Variants in MICU3 observed in about 807,000 individuals in gnomAD.
MICU3 encodes the protein calcium uptake protein 3, mitochondrial.
In MICU3, 62 loss-of-function variants were observed where a neutral mutation model predicts 66.5. The observed-to-expected ratio is 0.93, with a 90% CI of 0.76 to 1.15. MICU3 has a LOEUF of 1.15. Among genes scored for constraint, MICU3 ranks in the 50% most tolerant of loss-of-function variants. The pLI, the probability that MICU3 is intolerant of heterozygous loss-of-function variation, is 0.00. For missense variants in MICU3, 779 were observed against 664.4 expected, an observed-to-expected ratio of 1.17 and a Z score of -1.90; for synonymous variants, 308 against 240.7, an observed-to-expected ratio of 1.28 and a Z score of -2.59.
chr8:17,102,485 TC>T (rs1435245720), intron 9 of MICU3: 1 of 144,738 alleles, frequency 6.9e-6, no homozygotes, highest in Non-Finnish European at 1.5e-5. Flanking sequence ...TTAGGATTAT[TC>T]CCATTTTATA....
At chr8:17,041,737 G>A (rs1814139364) in intron 1 of MICU3, among the ~76,000 whole-genome samples, 1 of 152,174 alleles carries the variant, frequency 6.6e-6, no homozygotes, top group South Asian at 2.1e-4. Flanking sequence ...CAAGGAAAGA[G>A]TTTAATCTTA....
At chr8:17,090,048 C>T (rs776779702) in intron 7 of MICU3, among the ~76,000 whole-genome samples, 1 of 152,000 alleles carries the variant, frequency 6.6e-6, no homozygotes, top group African/African-American at 2.4e-5. Flanking sequence ...TCCTCATGAC[C>T]GTTCTACCAG....
At chr8:17,074,868 T>G (rs1820144362) in intron 3 of MICU3, among the ~76,000 whole-genome samples, 1 of 152,082 alleles carries the variant, frequency 6.6e-6, no homozygotes, top group Non-Finnish European at 1.5e-5. Flanking sequence ...CTACCTACAA[T>G]TTAATTCTGA....
At chr8:17,137,925 C>A in the MICU3 span, among the ~76,000 whole-genome samples, 1 of 151,300 alleles carries the variant, frequency 6.6e-6, no homozygotes, top group African/African-American at 2.4e-5. Context: ...CCATATTGGC[C>A]GGGATGGTCT....
intron 11 of MICU3, among the ~76,000 whole-genome samples, chr8:17,106,367 A>G (rs998741731): frequency 1.3e-5 from 2 of 151,848 alleles, no homozygotes; most frequent in African/African-American, 2.4e-5. Context: ...AAAAGACTTC[A>G]TGCATTTGGC....
intron 11 of MICU3, among the ~76,000 whole-genome samples, chr8:17,111,464 G>C (rs373433559): frequency 2.0e-5 from 3 of 152,246 alleles, no homozygotes; most frequent in East Asian, 3.9e-4. Flanking sequence ...TAGGAGTACA[G>C]TCCCATGCTA....
the MICU3 span, among the ~76,000 whole-genome samples, chr8:17,137,204 G>T: frequency 6.6e-6 from 1 of 151,972 alleles, no homozygotes; most frequent in Non-Finnish European, 1.5e-5. Context: ...GGTTGCCTAT[G>T]TACCCCTATC....
At chr8:17,060,251 C>T (rs992041099) in intron 1 of MICU3, among the ~76,000 whole-genome samples, 1 of 151,766 alleles carries the variant, frequency 6.6e-6, no homozygotes, top group African/African-American at 2.4e-5. Context: ...GTAGACTATT[C>T]TGGGATCAGA....
At chr8:17,045,823 A>G (rs1237776043) in intron 1 of MICU3, among the ~76,000 whole-genome samples, 2 of 152,232 alleles carry the variant, frequency 1.3e-5, no homozygotes, top group African/African-American at 4.8e-5. Context: ...GAGGGCATGT[A>G]CAGGGGAACT....
intron 1 of MICU3, among the ~76,000 whole-genome samples, chr8:17,050,662 ATT>A (rs1815921030): frequency 6.6e-6 from 1 of 152,002 alleles, no homozygotes; most frequent in African/African-American, 2.4e-5. Context: ...CAGTTTTTCC[ATT>A]ATGTAATTTT....
intron 9 of MICU3, among the ~76,000 whole-genome samples, chr8:17,101,618 A>G (rs180813886): frequency 6.6e-6 from 1 of 151,972 alleles, no homozygotes; most frequent in Admixed American, 6.6e-5. Flanking sequence ...GTATAAGACA[A>G]AGCCATCTTA....
intron 1 of MICU3, 33 bp downstream of exon 1, chr8:17,027,693 G>A: frequency 2.4e-6 from 3 of 1,267,292 alleles, no homozygotes; most frequent in Non-Finnish European, 3.0e-6. Flanking sequence ...CACCTGCGCG[G>A]GGGATGTGAC....
At chr8:17,058,510 A>G (rs1022387497) in intron 1 of MICU3, among the ~76,000 whole-genome samples, 6 of 152,126 alleles carry the variant, frequency 3.9e-5, no homozygotes, top group Non-Finnish European at 5.9e-5. Flanking sequence ...GTTTAATGTC[A>G]TGTTCCGCCT....
chr8:17,034,771 G>C (rs913283584), intron 1 of MICU3, among the ~76,000 whole-genome samples: 3 of 152,230 alleles, frequency 2.0e-5, no homozygotes, highest in African/African-American at 7.2e-5. Context: ...TAACAGACGA[G>C]GACTTGCCTC....
intron 13 of MICU3, among the ~76,000 whole-genome samples, chr8:17,117,830 A>T (rs1802829635): frequency 6.6e-6 from 1 of 152,146 alleles, no homozygotes. Flanking sequence ...AGATGGTCTC[A>T]AGCTCCTGAC....
rs377123072 is a variant in MICU3, at chr8:17,118,714, A to T, written c.1532A>T (p.Lys511Ile). The T allele has an allele frequency of 5.6e-6, 9 of 1,609,420 alleles. No homozygotes were observed. The highest frequency in any genetic ancestry group is 7.7e-6 in the Non-Finnish European group (9 of 1,176,310). Residue 511 changes from lysine to isoleucine, a missense_variant, in exon 14 of 15, where the codon AAA becomes ATA. Lys to Ile is a moderately radical substitution (Grantham distance 102, BLOSUM62 -3). Transcript: ENST00000318063. ...DRLHRGFRGY[K>I]TVQKYPTFKS... ...TGCTCTTCTGTTTTACAGGGTTATA[A>T]AACAGTCCAGAAGTACCCCACTTTC... is the stretch of plus-strand genomic sequence containing the variant.
intron 13 of MICU3, 105 bp downstream of exon 13, chr8:17,116,705 A>T: frequency 1.2e-6 from 1 of 831,116 alleles, no homozygotes; most frequent in South Asian, 2.1e-5. Context: ...AAGGATATAA[A>T]CATGAATGCT....
At chr8:17,069,606 A>T (rs1819239643) in intron 2 of MICU3, 82 bp from the exon 3 acceptor site, 1 of 839,274 alleles carries the variant, frequency 1.2e-6, no homozygotes, top group Non-Finnish European at 1.8e-6. Flanking sequence ...GTTATGAGTT[A>T]TGGTTGTAGA....
Position 17,027,361 on chromosome 8 carries a change from T to G in MICU3, c.82T>G (p.Trp28Gly). ...CGCTCACCAGCCCCTCCTTGGGCCG[T>G]GGGGGCGGCCTGCGGTGACCACCCT... ...LCAHQPLLGPWGRPAVTTLGL... is the reference protein window; with the variant it reads ...LCAHQPLLGPGGRPAVTTLGL... The change falls in exon 1 of 15, where the codon TGG becomes GGG. Residue 28 changes from tryptophan (W) to glycine (G), a missense_variant. Physicochemically the swap from Trp to Gly is radical, Grantham distance 184. Transcript: ENST00000318063. 7 of 1,503,022 alleles carry G rather than the reference T, an allele frequency of 4.7e-6. No homozygotes were observed. The highest frequency in any genetic ancestry group is 1.9e-4 in the Middle Eastern group (1 of 5,326). The allele number at this position is 1,503,022 out of a possible 1,614,324, so 93.1% of individuals were successfully genotyped here.
Sources: gnomAD v4.1 joint callset for allele counts (sites outside exome capture counted in the v4.1 genomes callset) on GRCh38, gnomAD v4.1.1 for gene constraint, MANE v1.5 for transcripts, NCBI Gene and HGNC (gene_info 2026-07-23, HGNC 2026-07-21) for gene names.